The following CHRNA7 variants were observed in gnomAD, a reference collection of about 807,000 sequenced individuals.
CHRNA7 encodes neuronal acetylcholine receptor subunit alpha-7.
CHRNA7 carries 17 observed loss-of-function variants against 48.0 expected under a neutral mutation model. That is an observed-to-expected ratio of 0.35 (90% CI 0.24 to 0.53). The LOEUF (loss-of-function observed/expected upper bound fraction) is 0.53. CHRNA7 is among the 20% of genes least tolerant of loss of function. CHRNA7 has a pLI of 0.92. For synonymous variants in CHRNA7, 75 were observed against 242.3 expected, an observed-to-expected ratio of 0.31 and a Z score of 6.41; for missense variants, 155 against 577.7, an observed-to-expected ratio of 0.27 and a Z score of 7.50.
rs1035382629 is a variant in CHRNA7, at chr15:32,111,455, T to C, written c.241-335T>C. 11 of 210,678 alleles carry C rather than the reference T, an allele frequency of 5.2e-5. No individual in the cohort carries two copies. In the East Asian group the frequency reaches 1.2e-3, roughly 23 times the overall value. The allele number at this position is 210,678 out of a possible 1,614,324, so 13.1% of individuals were successfully genotyped here. A position where few individuals can be genotyped will look rare whatever the true frequency, so the allele number is the denominator to read the frequency against. On this transcript the variant is annotated intron_variant, in intron 3 of 9. Coordinates refer to ENST00000306901, the MANE Select transcript of CHRNA7 (RefSeq NM_000746.6). ...TTCGAAGTATTCTTACAGTGAAAAC[T>C]TCTAAGGCAAAACAGTTATTCATTT...
chr15:32,097,194 T>A (rs1400186860), intron 2 of CHRNA7, among the ~76,000 whole-genome samples: 1 of 152,150 alleles, frequency 6.6e-6, no homozygotes, highest in African/African-American at 2.4e-5. Context: ...CAGGGTCTTT[T>A]GCCTGTGTGG....
Position 32,119,633 on chromosome 15 carries a change from T to TA in CHRNA7, c.350+7743dup, listed in dbSNP as rs34142321. Reference sequence around the variant, plus strand: ...CAGTTCCTTTTTGCTTTGAACATTTTAAAAAAAAATATTTATTCATATTCT... The same window carrying TA: ...CAGTTCCTTTTTGCTTTGAACATTTTAAAAAAAAAATATTTATTCATATTCT... On this transcript the variant is annotated intron_variant, in intron 4 of 9. Transcript: ENST00000306901. 7.2e-5 allele frequency among the ~76,000 whole-genome samples: 11 copies of TA among 151,770 alleles called. No homozygotes were observed. In the South Asian group the frequency reaches 1.0e-3, roughly 14 times the overall value.
rs774108694 is a variant in CHRNA7, at chr15:32,149,152, G to A, written c.351-4755G>A. Among the ~76,000 whole-genome samples the A allele has an allele frequency of 6.6e-6, 1 of 152,224 alleles. No homozygotes were observed. Among genetic ancestry groups the A allele is most frequent in the Non-Finnish European group, 1.5e-5 (1 of 68,046 alleles). On this transcript the variant is annotated intron_variant, in intron 4 of 9. Coordinates refer to ENST00000306901, the MANE Select transcript of CHRNA7 (RefSeq NM_000746.6). This position sits in a 1 kb window ranked among gnomAD's most constrained non-coding sequence, Gnocchi z 4.6. Reference sequence around the variant, plus strand: ...ACAGGCCGGCATCTTCACAAACTGTGGATGTACTGTGTCTTCCAGTAGTCA... The same window carrying A: ...ACAGGCCGGCATCTTCACAAACTGTAGATGTACTGTGTCTTCCAGTAGTCA...
At position 32,170,393 on chromosome 15, in the gene CHRNA7, C is replaced by T. The variant is rs911675295; in HGVS notation, c.*1935C>T. 7.0e-6 allele frequency: 1 copy of T among 142,278 alleles called. No homozygotes were observed. The highest frequency in any genetic ancestry group is 2.7e-5 in the African/African-American group (1 of 37,472). 8.8% of individuals were successfully genotyped at this position (142,278 alleles called of 1,614,324 possible). ...CATTCCTCAGCAGGCATTCCTTCCA[C>T]ATGCTATGGATGAACCATGCACAAG... On this transcript the variant is annotated 3_prime_UTR_variant, in exon 10 of 10. Coordinates refer to ENST00000306901, the MANE Select transcript of CHRNA7 (RefSeq NM_000746.6).
intron 4 of CHRNA7, among the ~76,000 whole-genome samples, chr15:32,113,083 G>A (rs896368036): frequency 6.6e-6 from 1 of 152,082 alleles, no homozygotes; most frequent in African/African-American, 2.4e-5. Flanking sequence ...AGTTTGCCAA[G>A]GCTGCTGTAA....
intron 2 of CHRNA7, among the ~76,000 whole-genome samples, chr15:32,034,860 G>A (rs1224288332): frequency 6.6e-6 from 1 of 152,118 alleles, no homozygotes. Context: ...ATGGTGGGTC[G>A]TTAAACAGGG....
chr15:32,036,020 T>C (rs955999998), intron 2 of CHRNA7, among the ~76,000 whole-genome samples: 4 of 152,226 alleles, frequency 2.6e-5, no homozygotes, highest in Admixed American at 1.3e-4. Context: ...TAATGTGTAA[T>C]ACCCTCATTA....
chr15:32,066,097 T>C (rs1278172891), intron 2 of CHRNA7, among the ~76,000 whole-genome samples: 4 of 152,254 alleles, frequency 2.6e-5, no homozygotes, highest in African/African-American at 7.2e-5. Flanking sequence ...ATGCCAAGCA[T>C]TGAAGGAAAT....
intron 4 of CHRNA7, among the ~76,000 whole-genome samples, chr15:32,138,859 T>G (rs935805373): frequency 5.3e-5 from 8 of 152,128 alleles, no homozygotes; most frequent in Non-Finnish European, 8.8e-5. Context: ...GTTCAAGCGA[T>G]TCTCCCACCT....
At chr15:32,127,545 G>A (rs1334073878) in intron 4 of CHRNA7, among the ~76,000 whole-genome samples, 1 of 151,974 alleles carries the variant, frequency 6.6e-6, no homozygotes, top group African/African-American at 2.4e-5. Context: ...TTCTCCTGGT[G>A]GCTAATGCTG....
intron 3 of CHRNA7, among the ~76,000 whole-genome samples, chr15:32,103,852 T>A (rs1431816170): frequency 6.6e-6 from 1 of 152,184 alleles, no homozygotes; most frequent in Non-Finnish European, 1.5e-5. Flanking sequence ...AAGTCACCCT[T>A]AACTCTTGTC....
At chr15:32,106,263 G>A (rs1341284346) in intron 3 of CHRNA7, among the ~76,000 whole-genome samples, 2 of 152,150 alleles carry the variant, frequency 1.3e-5, no homozygotes, top group Non-Finnish European at 2.9e-5. Flanking sequence ...CTCCTCCCGA[G>A]TTTCATGTTG....
intron 2 of CHRNA7, among the ~76,000 whole-genome samples, chr15:32,049,602 T>C (rs1436093329): frequency 6.6e-6 from 1 of 152,220 alleles, no homozygotes; most frequent in Non-Finnish European, 1.5e-5. Flanking sequence ...CTTTATCCAA[T>C]TTGCCAGTCT....
At chr15:32,136,497 C>CAAAAAAAAAAA (rs34839510) in intron 4 of CHRNA7, among the ~76,000 whole-genome samples, 1 of 110,356 alleles carries the variant, frequency 9.1e-6, no homozygotes. Flanking sequence ...GACTCCATCT[C>CAAAAAAAAAAA]AAAAAAAAAA....
intron 2 of CHRNA7, among the ~76,000 whole-genome samples, chr15:32,066,169 A>T (rs1595405714): frequency 6.6e-6 from 1 of 152,284 alleles, no homozygotes; most frequent in East Asian, 1.9e-4. Context: ...GAGTATACAC[A>T]ACAAAAGATA....
In CHRNA7 at chr15:32,137,736, G is replaced by A. The variant is rs192825192; in HGVS notation, c.351-16171G>A. Among the ~76,000 whole-genome samples, 6 of 152,344 alleles carry A rather than the reference G, an allele frequency of 3.9e-5. No individual in the cohort carries two copies. In the East Asian group the frequency reaches 1.2e-3, roughly 29 times the overall value. On this transcript the variant is annotated intron_variant, in intron 4 of 9. Coordinates refer to ENST00000306901, the MANE Select transcript of CHRNA7 (RefSeq NM_000746.6). Reference sequence around the variant, plus strand: ...TAAAAACATTTAGCATGTGTGGTGTGAGTTTGTGTGTGTACGTGTGTGTGC... The same window carrying A: ...TAAAAACATTTAGCATGTGTGGTGTAAGTTTGTGTGTGTACGTGTGTGTGC...
At chr15:32,063,002 A>G (rs565462084) in intron 2 of CHRNA7, among the ~76,000 whole-genome samples, 89 of 152,324 alleles carry the variant, frequency 5.8e-4, no homozygotes, top group Non-Finnish European at 1.1e-3. Context: ...AGGCAATTGT[A>G]ATGCAATTGT....
chr15:32,138,126 A>G (rs1055396177), intron 4 of CHRNA7, among the ~76,000 whole-genome samples: 1 of 152,240 alleles, frequency 6.6e-6, no homozygotes, highest in African/African-American at 2.4e-5. Flanking sequence ...ATAGAGATCA[A>G]CGAAGGACAA....
chr15:32,093,401 C>A (rs1367448342), intron 2 of CHRNA7, among the ~76,000 whole-genome samples: 1 of 152,152 alleles, frequency 6.6e-6, no homozygotes, highest in African/African-American at 2.4e-5. Context: ...ACTCTTCCTC[C>A]CTCCCTGAGA....
Sources: gnomAD v4.1 joint callset for allele counts (sites outside exome capture counted in the v4.1 genomes callset) on GRCh38, gnomAD v4.1.1 for gene constraint, Gnocchi (gnomAD v3.1) non-coding constraint, MANE v1.5 for transcripts, NCBI Gene and HGNC (gene_info 2026-07-23, HGNC 2026-07-21) for gene names.